The following CSMD1 variants were observed in gnomAD, a reference collection of about 807,000 sequenced individuals.
CSMD1 encodes CUB and Sushi multiple domains 1.
CSMD1 carries 213 observed loss-of-function variants against 417.5 expected under a neutral mutation model. The observed-to-expected ratio is 0.51, with a 90% CI of 0.46 to 0.57. The LOEUF (loss-of-function observed/expected upper bound fraction) is 0.57. Ranked by LOEUF, CSMD1 falls within the 20% of genes least tolerant of loss-of-function variation. The probability of loss-of-function intolerance (pLI) is 0.00; values close to 1 mark genes in which losing one functional copy is unlikely to be tolerated. For missense variants in CSMD1, 6,923 were observed against 4,529.7 expected, an observed-to-expected ratio of 1.53 and a Z score of -15.17; for synonymous variants, 2,862 against 1,736.8, an observed-to-expected ratio of 1.65 and a Z score of -16.11.
chr8:4,655,920 G>A (rs1804200792), intron 1 of CSMD1, among the ~76,000 whole-genome samples: 1 of 152,146 alleles, frequency 6.6e-6, no homozygotes, highest in Admixed American at 6.5e-5. Flanking sequence ...TGGACACTGT[G>A]TTAGGCTCAG....
intron 4 of CSMD1, among the ~76,000 whole-genome samples, chr8:4,011,330 G>GC (rs1563316064): frequency 6.6e-6 from 1 of 152,034 alleles, no homozygotes; most frequent in Non-Finnish European, 1.5e-5. Flanking sequence ...TGCTCCAATT[G>GC]CCCCCATTCA....
intron 2 of CSMD1, among the ~76,000 whole-genome samples, chr8:4,599,868 G>A (rs772736491): frequency 6.6e-6 from 1 of 152,172 alleles, no homozygotes; most frequent in Non-Finnish European, 1.5e-5. Context: ...GACAATTAAA[G>A]TTACATTCAA....
intron 50 of CSMD1, among the ~76,000 whole-genome samples, chr8:3,043,072 T>G: frequency 6.6e-6 from 1 of 150,696 alleles, no homozygotes; most frequent in Non-Finnish European, 1.5e-5. Flanking sequence ...AGTACTATAA[T>G]GCATATAGTA....
chr8:4,647,565 C>T (rs1803615096), intron 1 of CSMD1, among the ~76,000 whole-genome samples: 1 of 152,084 alleles, frequency 6.6e-6, no homozygotes, highest in South Asian at 2.1e-4. Flanking sequence ...TCCCTCCCCT[C>T]ATCCCCCACC....
chr8:2,957,849 T>C (rs116477376), intron 62 of CSMD1, 42 bp from the exon 63 acceptor site: 1 of 1,352,098 alleles, frequency 7.4e-7, no homozygotes, highest in South Asian at 1.2e-5. Flanking sequence ...GCCAAGGGAA[T>C]ATACGAAGTG....
chr8:4,659,987 G>C (rs959436201), intron 1 of CSMD1, among the ~76,000 whole-genome samples: 7 of 151,636 alleles, frequency 4.6e-5, no homozygotes, highest in African/African-American at 1.7e-4. Flanking sequence ...TTGGTAAGGA[G>C]TATATACTCA....
chr8:4,230,969 A>G (rs369540101), intron 3 of CSMD1, among the ~76,000 whole-genome samples: 1 of 152,094 alleles, frequency 6.6e-6, no homozygotes, highest in South Asian at 2.1e-4. Flanking sequence ...AGATTATTTC[A>G]TTTGCAACAT....
intron 1 of CSMD1, among the ~76,000 whole-genome samples, chr8:4,861,239 A>G (rs949223687): frequency 2.0e-5 from 3 of 152,174 alleles, no homozygotes; most frequent in Admixed American, 6.5e-5. Context: ...AGACAGTAAT[A>G]TATCTCTGCG....
chr8:4,699,380 C>G (rs551107975), intron 1 of CSMD1, among the ~76,000 whole-genome samples: 1 of 152,278 alleles, frequency 6.6e-6, no homozygotes, highest in South Asian at 2.1e-4. Context: ...ACCCACAACT[C>G]ACACCTTGTA....
chr8:4,799,447 A>C (rs1321765406), intron 1 of CSMD1, among the ~76,000 whole-genome samples: 2 of 151,872 alleles, frequency 1.3e-5, no homozygotes, highest in Admixed American at 6.6e-5. Context: ...AAATACAAAA[A>C]TTAGCCAGGC....
chr8:4,975,229 A>G (rs60143284), intron 1 of CSMD1, among the ~76,000 whole-genome samples: 2,046 of 152,310 alleles, frequency 0.013, 47 homozygotes, highest in African/African-American at 0.047. Flanking sequence ...AAAATATCAG[A>G]AAAAAAGTCT....
chr8:3,501,283 T>TAC (rs1563098518), intron 10 of CSMD1, among the ~76,000 whole-genome samples: 1 of 151,954 alleles, frequency 6.6e-6, no homozygotes, highest in African/African-American at 2.4e-5. Context: ...TGCACACACA[T>TAC]ACACACACAC....
intron 1 of CSMD1, among the ~76,000 whole-genome samples, chr8:4,687,136 G>T (rs1806441808): frequency 6.6e-6 from 1 of 152,182 alleles, no homozygotes; most frequent in Non-Finnish European, 1.5e-5. Flanking sequence ...CAGACCATGG[G>T]CCAGGGAAGA....
At chr8:3,023,937 C>A (rs1286557534) in intron 51 of CSMD1, among the ~76,000 whole-genome samples, 1 of 151,680 alleles carries the variant, frequency 6.6e-6, no homozygotes, top group East Asian at 1.9e-4. Context: ...TTCCGTTGGT[C>A]CTGATCCAAC....
At position 3,933,039 on chromosome 8, in the gene CSMD1, A is replaced by AG. The variant is rs1371389066; in HGVS notation, c.818+64863_818+64864insC. Among the ~76,000 whole-genome samples, 2 of 141,686 alleles carry AG rather than the reference A, an allele frequency of 1.4e-5. 1 individual carries two copies. The highest frequency in any genetic ancestry group is 3.1e-5 in the Non-Finnish European group (2 of 65,016). 93.0% of individuals were successfully genotyped at this position (141,686 alleles called of 152,430 possible). On this transcript the variant is annotated intron_variant, in intron 5 of 69. Coordinates refer to ENST00000635120, the MANE Select transcript of CSMD1 (RefSeq NM_033225.6). Reference sequence around the variant, plus strand: ...ACAAGTGAAATGTATGATAAAAAAAAAAAACTGCTTGTGGCAAATTATCTC... The same window carrying AG: ...ACAAGTGAAATGTATGATAAAAAAAAGAAAACTGCTTGTGGCAAATTATCTC...
At chr8:3,065,720 T>G (rs1269506764) in intron 49 of CSMD1, among the ~76,000 whole-genome samples, 1 of 152,200 alleles carries the variant, frequency 6.6e-6, no homozygotes, top group East Asian at 1.9e-4. Context: ...AGATAGGAGA[T>G]AGCCTACAAA....
chr8:3,280,180 G>C (rs186397236), intron 26 of CSMD1, among the ~76,000 whole-genome samples: 1 of 150,254 alleles, frequency 6.7e-6, no homozygotes, highest in South Asian at 2.1e-4. Flanking sequence ...ATACAGGTTT[G>C]CCTCGAGAGC....
chr8:4,921,059 G>C (rs1213733032), intron 1 of CSMD1, among the ~76,000 whole-genome samples: 1 of 127,834 alleles, frequency 7.8e-6, no homozygotes, highest in Admixed American at 7.9e-5. Context: ...AAAAGAGAAA[G>C]AAAAGAAAGA....
intron 2 of CSMD1, among the ~76,000 whole-genome samples, chr8:4,456,105 T>C (rs535404250): frequency 2.1e-4 from 30 of 145,908 alleles, no homozygotes; most frequent in Non-Finnish European, 3.9e-4. Context: ...TACTGCACAC[T>C]TAAAATAAGA....
Sources: gnomAD v4.1 joint callset for allele counts (sites outside exome capture counted in the v4.1 genomes callset) on GRCh38, gnomAD v4.1.1 for gene constraint, MANE v1.5 for transcripts, NCBI Gene and HGNC (gene_info 2026-07-23, HGNC 2026-07-21) for gene names.